BCAT1: variants seen among roughly 807,000 people sequenced by gnomAD.
BCAT1 encodes the protein branched chain amino acid transaminase 1, also known as branched-chain-amino-acid aminotransferase, cytosolic.
A neutral mutation model predicts 52.4 loss-of-function variants in BCAT1; 48 were observed. The ratio of observed to expected loss-of-function variants is 0.92; its 90% CI spans 0.73 to 1.16. The LOEUF is 1.16. Ranked by LOEUF, BCAT1 falls within the 50% of genes most tolerant of loss-of-function variation. The pLI, the probability that BCAT1 is intolerant of heterozygous loss-of-function variation, is 0.00. For missense variants in BCAT1, 451 were observed against 457.1 expected (o/e 0.99, Z 0.12); for synonymous variants, 167 against 161.3 (o/e 1.04, Z -0.27).
intron 1 of BCAT1, among the ~76,000 whole-genome samples, chr12:24,937,898 G>C (rs369336036): frequency 6.6e-6 from 1 of 152,178 alleles, no homozygotes; most frequent in East Asian, 1.9e-4. Flanking sequence ...CATAGGACTT[G>C]ATGGAATTTG....
chr12:24,947,705 A>C (rs751904470), intron 1 of BCAT1, among the ~76,000 whole-genome samples: 3 of 152,226 alleles, frequency 2.0e-5, no homozygotes, highest in Non-Finnish European at 2.9e-5. Context: ...TTGGACCTAC[A>C]AAAACGCGTA....
At chr12:24,894,524 G>T (rs748495413) in intron 2 of BCAT1, 49 bp from the exon 3 acceptor site, 2 of 1,459,728 alleles carry the variant, frequency 1.4e-6, no homozygotes, top group Non-Finnish European at 1.9e-6. Context: ...CTGAGCATTC[G>T]CTGGCTAGAT....
chr12:24,926,761 A>G (rs541949295), intron 1 of BCAT1, among the ~76,000 whole-genome samples: 9 of 152,326 alleles, frequency 5.9e-5, no homozygotes, highest in African/African-American at 1.9e-4. Flanking sequence ...TGAAGGCAGC[A>G]TGCTCTTTAA....
At chr12:24,853,334 G>T (rs1429911126) in intron 5 of BCAT1, among the ~76,000 whole-genome samples, 1 of 152,090 alleles carries the variant, frequency 6.6e-6, no homozygotes, top group Non-Finnish European at 1.5e-5. Flanking sequence ...TATCCTAAAT[G>T]AATTAACACA....
At chr12:24,882,096 C>T (rs1317492662) in intron 3 of BCAT1, among the ~76,000 whole-genome samples, 2 of 152,132 alleles carry the variant, frequency 1.3e-5, no homozygotes, top group African/African-American at 2.4e-5. Flanking sequence ...AACAAACAGG[C>T]TAAACCTTAG....
At chr12:24,864,056 T>C (rs1214662121) in intron 5 of BCAT1, among the ~76,000 whole-genome samples, 1 of 152,250 alleles carries the variant, frequency 6.6e-6, no homozygotes, top group African/African-American at 2.4e-5. Context: ...TATTTATGAA[T>C]TGTCTATGGC....
chr12:24,824,155 G>A (rs1294770071), intron 10 of BCAT1, among the ~76,000 whole-genome samples: 2 of 152,040 alleles, frequency 1.3e-5, no homozygotes, highest in Non-Finnish European at 1.5e-5. Context: ...ATTCAATAGA[G>A]TTCAATTTTT....
At chr12:24,842,691 G>A (rs1190736198) in intron 6 of BCAT1, among the ~76,000 whole-genome samples, 1 of 152,034 alleles carries the variant, frequency 6.6e-6, no homozygotes, top group Non-Finnish European at 1.5e-5. Context: ...AAGTGTGAGC[G>A]CTCTTATCTA....
chr12:24,855,672 C>T (rs527508355), intron 5 of BCAT1, among the ~76,000 whole-genome samples: 12 of 152,232 alleles, frequency 7.9e-5, no homozygotes, highest in Admixed American at 1.3e-4. Flanking sequence ...TGAACTACCA[C>T]GCCTGGCACC....
At chr12:24,857,895 G>A (rs1221564142) in intron 5 of BCAT1, among the ~76,000 whole-genome samples, 1 of 152,132 alleles carries the variant, frequency 6.6e-6, no homozygotes, top group Non-Finnish European at 1.5e-5. Flanking sequence ...CAGTTATAGG[G>A]GAATACCCCA....
chr12:24,927,769 C>A (rs1448260614), intron 1 of BCAT1, among the ~76,000 whole-genome samples: 1 of 152,192 alleles, frequency 6.6e-6, no homozygotes, highest in African/African-American at 2.4e-5. Flanking sequence ...AAAACAGGGA[C>A]TTTTGATGCA....
intron 8 of BCAT1, chr12:24,833,814 G>GCC (rs56689324): frequency 0.12 from 16,179 of 136,578 alleles, 979 homozygotes; most frequent in Non-Finnish European, 0.14. Flanking sequence ...TTCTACGTTT[G>GCC]TCTCTTTCTT....
intron 10 of BCAT1, among the ~76,000 whole-genome samples, chr12:24,825,612 G>A (rs1940362623): frequency 6.6e-6 from 1 of 151,894 alleles, no homozygotes; most frequent in South Asian, 2.1e-4. Flanking sequence ...TTTGAGAAAT[G>A]TCCATTCAGA....
At chr12:24,930,532 C>A (rs1357105531) in intron 1 of BCAT1, among the ~76,000 whole-genome samples, 2 of 152,196 alleles carry the variant, frequency 1.3e-5, no homozygotes, top group African/African-American at 4.8e-5. Flanking sequence ...ACACCAGTGG[C>A]ACAAGTCAAG....
intron 10 of BCAT1, among the ~76,000 whole-genome samples, chr12:24,823,903 G>A (rs1940258636): frequency 6.6e-6 from 1 of 152,038 alleles, no homozygotes; most frequent in South Asian, 2.1e-4. Flanking sequence ...TATCCTTTTG[G>A]CTTCTATAAT....
intron 3 of BCAT1, among the ~76,000 whole-genome samples, chr12:24,884,315 G>A (rs576304160): frequency 4.6e-4 from 70 of 152,312 alleles, no homozygotes; most frequent in African/African-American, 1.5e-3. Flanking sequence ...GAAGTAGAGA[G>A]TAGAATGGTG....
rs1179999825 is a variant in BCAT1, at chr12:24,814,807, T to G, written c.*3201A>C. 12 of 150,812 alleles carry G rather than the reference T, an allele frequency of 8.0e-5. No individual in the cohort carries two copies. In the East Asian group the frequency reaches 1.7e-3, roughly 22 times the overall value. The allele number at this position is 150,812 out of a possible 1,614,324, so 9.3% of individuals were successfully genotyped here. A position where few individuals can be genotyped will look rare whatever the true frequency, so the allele number is the denominator to read the frequency against. ...GCCTGCCTCTGCCTCTGTTTGTTTT[T>G]TTTTTTTTTTTTTGTCTTACATTTT... On this transcript the variant is annotated 3_prime_UTR_variant, in exon 11 of 11. Transcript: ENST00000261192.
chr12:24,877,489 C>T (rs751277105), intron 5 of BCAT1, among the ~76,000 whole-genome samples: 12 of 152,218 alleles, frequency 7.9e-5, no homozygotes, highest in Non-Finnish European at 1.8e-4. Context: ...GGGCACCCAA[C>T]CAAGAGACTG....
At position 24,844,568 on chromosome 12, in the gene BCAT1, G is replaced by A. The variant is rs568614217; in HGVS notation, c.675-2344C>T. On this transcript the variant is annotated intron_variant, in intron 6 of 10. Coordinates refer to ENST00000261192, the MANE Select transcript of BCAT1 (RefSeq NM_005504.7). ...TCATACTATGGTGATTGCCATTGGA[G>A]CACGATGAGGTTGACTCACACCAAG... Among the ~76,000 whole-genome samples, 17 of 152,108 alleles carry A rather than the reference G, an allele frequency of 1.1e-4. No individual in the cohort carries two copies. In the East Asian group the frequency reaches 1.8e-3, roughly 16 times the overall value.
Sources: allele counts gnomAD v4.1 joint callset (sites outside exome capture counted in the v4.1 genomes callset), GRCh38; gene constraint gnomAD v4.1.1; transcripts MANE v1.5; gene names NCBI Gene and HGNC (gene_info 2026-07-23, HGNC 2026-07-21).